The following ATP5MC1 variants were observed in gnomAD, a reference collection of about 807,000 sequenced individuals.
ATP5MC1 encodes ATP synthase membrane subunit c locus 1, also known as ATP synthase F(0) complex subunit C1, mitochondrial.
ATP5MC1 carries 4 observed loss-of-function variants against 12.1 expected under a neutral mutation model. That is an observed-to-expected ratio of 0.33 (90% confidence interval 0.16 to 0.76). The LOEUF (loss-of-function observed/expected upper bound fraction) is 0.76. ATP5MC1 is among the 30% of genes least tolerant of loss of function. The pLI, the probability that ATP5MC1 is intolerant of heterozygous loss-of-function variation, is 0.61. For missense variants in ATP5MC1, 117 were observed against 172.1 expected (o/e 0.68, Z 1.79); for synonymous variants, 52 against 66.0 (o/e 0.79, Z 1.03).
intron 2 of ATP5MC1, 98 bp downstream of exon 2, chr17:48,893,554 G>A (rs2040548359): frequency 1.4e-6 from 2 of 1,383,674 alleles, no homozygotes; most frequent in Admixed American, 1.9e-5. Flanking sequence ...GCGTCCTGAT[G>A]ATGTAGGCTC....
chr17:48,895,830 G>A lies in ATP5MC1; in HGVS notation c.*61G>A. On this transcript the variant is annotated 3_prime_UTR_variant, in exon 5 of 5. Coordinates refer to ENST00000393366, the MANE Select transcript of ATP5MC1 (RefSeq NM_005175.3). ...CAACTCCACACCATTCTTGGTGCTGGGGTGTGTTAAGCTTTACCATTAAAC... is the reference window on the plus strand; with the variant it reads ...CAACTCCACACCATTCTTGGTGCTGAGGTGTGTTAAGCTTTACCATTAAAC... 6.8e-7 allele frequency: 1 copy of A among 1,473,680 alleles called. No individual in the cohort carries two copies. 91.3% of individuals were successfully genotyped at this position (1,473,680 alleles called of 1,614,324 possible). A position where few individuals can be genotyped will look rare whatever the true frequency, so the allele number is the denominator to read the frequency against.
At chr17:48,894,620 A>G in intron 3 of ATP5MC1, 171 bp downstream of exon 3, 2 of 613,190 alleles carry the variant, frequency 3.3e-6, no homozygotes, top group Non-Finnish European at 5.6e-6. Context: ...AAATAAAAAA[A>G]TTAGCCATGT....
At chr17:48,893,362 C>A in intron 1 of ATP5MC1, 47 bp from the exon 2 acceptor site, 1 of 1,601,000 alleles carries the variant, frequency 6.2e-7, no homozygotes, top group Non-Finnish European at 8.5e-7. Context: ...AAGCAAACAA[C>A]CAGGGTCTCA....
chr17:48,895,155 G>C lies in ATP5MC1; in HGVS notation c.118-1G>C, dbSNP rs747172258. 1 of 1,599,872 alleles carries C rather than the reference G, an allele frequency of 6.3e-7. No individual in the cohort carries two copies. Among genetic ancestry groups the C allele is most frequent in the East Asian group, 2.2e-5 (1 of 44,492 alleles). ...CTCGCCTGCCTTGCTTCTCTTTCTA[G>C]CCTTCCTACAGCAACTTCCCACTCC... On this transcript the variant is annotated splice_acceptor_variant, in intron 3 of 4. Transcript: ENST00000393366. LOFTEE classifies it high-confidence loss of function.
At chr17:48,894,551 T>C in intron 3 of ATP5MC1, 102 bp downstream of exon 3, 2 of 1,205,578 alleles carry the variant, frequency 1.7e-6, no homozygotes, top group Non-Finnish European at 2.4e-6. Flanking sequence ...GAGGATCACT[T>C]GAGCCCAGTT....
At position 48,893,329 on chromosome 17, in the gene ATP5MC1, G is replaced by A. The variant is rs980824386; in HGVS notation, c.-9-80G>A. The A allele has an allele frequency of 4.1e-6, 6 of 1,446,514 alleles. No individual in the cohort carries two copies. The African/African-American group carries it at 7.0e-5, about 17-fold the overall frequency. The allele number at this position is 1,446,514 out of a possible 1,614,324, so 89.6% of individuals were successfully genotyped here. A position where few individuals can be genotyped will look rare whatever the true frequency, so the allele number is the denominator to read the frequency against. ...TAGGGAGGACGGACGGGGGTGAAGG[G>A]GACGACCAAAGGTCGTCATTATAAG... On this transcript the variant is annotated intron_variant, in intron 1 of 4. Coordinates refer to ENST00000393366, the MANE Select transcript of ATP5MC1 (RefSeq NM_005175.3).
At chr17:48,893,820 G>T in intron 2 of ATP5MC1, 1 of 292,546 alleles carries the variant, frequency 3.4e-6, no homozygotes, top group Non-Finnish European at 6.4e-6. Context: ...GGGAATGGGG[G>T]TGGAACCCAG....
chr17:48,894,355 G>C lies in ATP5MC1; in HGVS notation c.40-17G>C, dbSNP rs1200518405. ...TCCTTGACTGATTTGGTAGGATGTG[G>C]CTTTCTGATTTTACAGATCCGCTGT... is the stretch of plus-strand genomic sequence containing the variant. On this transcript the variant is annotated splice_polypyrimidine_tract_variant and intron_variant, in intron 2 of 4. Transcript: ENST00000393366. 3.1e-6 allele frequency: 5 copies of C among 1,613,244 alleles called. No individual in the cohort carries two copies. In the African/African-American group the frequency reaches 5.3e-5, roughly 17 times the overall value.
At chr17:48,894,264 C>T in intron 2 of ATP5MC1, 108 bp from the exon 3 acceptor site, 1 of 1,072,698 alleles carries the variant, frequency 9.3e-7, no homozygotes, top group Middle Eastern at 2.0e-4. Context: ...CCTTGAAATA[C>T]ATTGAACTTA....
At chr17:48,893,565 T>A in intron 2 of ATP5MC1, 109 bp downstream of exon 2, 1 of 1,265,954 alleles carries the variant, frequency 7.9e-7, no homozygotes, top group Non-Finnish European at 1.1e-6. Context: ...ATGTAGGCTC[T>A]TTGAGGTGGC....
chr17:48,895,504 C>G, intron 4 of ATP5MC1, 151 bp from the exon 5 acceptor site: 1 of 1,267,860 alleles, frequency 7.9e-7, no homozygotes, highest in African/African-American at 1.5e-5. Flanking sequence ...CCAGGTTGGC[C>G]CACTCTGCTT....
In ATP5MC1 at chr17:48,892,917, T is replaced by G; in HGVS notation, c.-10+7T>G. The G allele has an allele frequency of 6.3e-6, 1 of 158,234 alleles. No homozygotes were observed. Among genetic ancestry groups the G allele is most frequent in the Admixed American group, 6.4e-5 (1 of 15,624 alleles). 9.8% of individuals were successfully genotyped at this position (158,234 alleles called of 1,614,324 possible). ...CAGGGTAGTAGGAGTGCAGGTGACT[T>G]GGGGCCGGGAGCCAGCAATAGGCAG... On this transcript the variant is annotated splice_region_variant and intron_variant, in intron 1 of 4. Coordinates refer to ENST00000393366, the MANE Select transcript of ATP5MC1 (RefSeq NM_005175.3).
At chr17:48,893,496 A>G (rs2040547739) in intron 2 of ATP5MC1, 40 bp downstream of exon 2, 1 of 1,610,062 alleles carries the variant, frequency 6.2e-7, no homozygotes, top group East Asian at 2.2e-5. Flanking sequence ...TACCAGGTGT[A>G]TGGTGTGGAC....
rs550035721 is a variant in ATP5MC1 at position 48,895,299 on chromosome 17, A to C, written c.261A>C (p.Gly87=). ...VGVAGSGAGI[G]TVFGSLIIGY... is the part of the protein sequence containing the mutation. The stretch of plus-strand genomic sequence containing the variant: ...TGGCTGGTTCAGGGGCTGGCATTGG[A>C]ACCGTGTTTGGCAGCTTGATCATTG... Residue 87 remains glycine, a synonymous_variant, in exon 4 of 5, where the codon GGA becomes GGC. Coordinates refer to ENST00000393366, the MANE Select transcript of ATP5MC1 (RefSeq NM_005175.3). 6.2e-7 allele frequency: 1 copy of C among 1,602,072 alleles called. No homozygotes were observed. The highest frequency in any genetic ancestry group is 1.3e-5 in the African/African-American group (1 of 74,744).
chr17:48,893,531 C>G (rs778420170), intron 2 of ATP5MC1, 75 bp downstream of exon 2: 1 of 1,554,608 alleles, frequency 6.4e-7, no homozygotes. Context: ...ATGAATGAAC[C>G]CAGGGGAGCT....
Position 48,895,351 on chromosome 17 carries a change from T to C in ATP5MC1, c.296+17T>C. ...CTATGCCAGGTAAGTTTGGGTGGTCTACAGCATCTCCCACTGTAAATTCCA... is the reference window on the plus strand; with the variant it reads ...CTATGCCAGGTAAGTTTGGGTGGTCCACAGCATCTCCCACTGTAAATTCCA... On this transcript the variant is annotated intron_variant, in intron 4 of 4. Coordinates refer to ENST00000393366, the MANE Select transcript of ATP5MC1 (RefSeq NM_005175.3). 1 of 1,573,222 alleles carries C rather than the reference T, an allele frequency of 6.4e-7. No individual in the cohort carries two copies. Among genetic ancestry groups the C allele is most frequent in the Non-Finnish European group, 8.7e-7 (1 of 1,153,332 alleles).
At chr17:48,893,356 A>G in intron 1 of ATP5MC1, 53 bp from the exon 2 acceptor site, 1 of 1,594,482 alleles carries the variant, frequency 6.3e-7, no homozygotes, top group Non-Finnish European at 8.6e-7. Flanking sequence ...CATTATAAGC[A>G]AACAACCAGG....
At chr17:48,895,448 G>A (rs552087355) in intron 4 of ATP5MC1, 114 bp downstream of exon 4, 1 of 1,446,822 alleles carries the variant, frequency 6.9e-7, no homozygotes, top group Admixed American at 2.3e-5. Flanking sequence ...CTACATCATA[G>A]TTTCTCCAGA....
chr17:48,895,638 ATC>A lies in ATP5MC1; in HGVS notation c.297-13_297-12del. The A allele has an allele frequency of 1.2e-6, 2 of 1,608,676 alleles. No individual in the cohort carries two copies. Among genetic ancestry groups the A allele is most frequent in the South Asian group, 2.2e-5 (2 of 90,914 alleles). On this transcript the variant is annotated splice_polypyrimidine_tract_variant and intron_variant, in intron 4 of 4. Coordinates refer to ENST00000393366, the MANE Select transcript of ATP5MC1 (RefSeq NM_005175.3). Reference sequence around the variant, plus strand: ...CCTTCCTCTCCCTCAACTGGCAATGATCTCTGTCCCTCCCAGGAACCCGTCTC... The same window carrying A: ...CCTTCCTCTCCCTCAACTGGCAATGATCTGTCCCTCCCAGGAACCCGTCTC...
Sources: gnomAD v4.1 joint callset for allele counts on GRCh38, gnomAD v4.1.1 for gene constraint, MANE v1.5 for transcripts, NCBI Gene and HGNC (gene_info 2026-07-23, HGNC 2026-07-21) for gene names.